Variants in SCAF8 observed in about 807,000 individuals in gnomAD.
The protein encoded by SCAF8 is SR-related and CTD-associated factor 8.
A neutral mutation model predicts 140.5 loss-of-function variants in SCAF8; 23 were observed. The ratio of observed to expected loss-of-function variants is 0.16; its 90% confidence interval spans 0.12 to 0.23. SCAF8 has a LOEUF of 0.23. Among genes scored for constraint, SCAF8 ranks in the 10% least tolerant of loss-of-function variants. The pLI is 1.00. For missense variants in SCAF8, 1,397 were observed against 1,555.7 expected (o/e 0.90, Z 1.72); for synonymous variants, 575 against 528.9 (o/e 1.09, Z -1.20).
chr6:154,755,376 C>T (rs1778940575), intron 1 of SCAF8, among the ~76,000 whole-genome samples: 2 of 152,104 alleles, frequency 1.3e-5, no homozygotes, highest in African/African-American at 4.8e-5. Flanking sequence ...GTCTCAGCCT[C>T]CCGAGTAGCT....
intron 3 of SCAF8, among the ~76,000 whole-genome samples, chr6:154,779,026 T>G (rs757303722): frequency 8.4e-4 from 128 of 152,164 alleles, no homozygotes; most frequent in East Asian, 1.9e-3. Flanking sequence ...TTTTGTTTTG[T>G]TTTGGTTTTT....
At position 154,833,183 on chromosome 6, in the gene SCAF8, G is replaced by A. The variant is rs762070415; in HGVS notation, c.3604G>A (p.Ala1202Thr). 1.7e-5 allele frequency: 27 copies of A among 1,613,916 alleles called. No individual in the cohort carries two copies. The highest frequency in any genetic ancestry group is 2.2e-5 in the South Asian group (2 of 91,082). Residue 1202 changes from alanine (A) to threonine (T), a missense_variant, in exon 20 of 20, where the codon GCC becomes ACC. Ala to Thr is a moderately conservative substitution (Grantham distance 58, BLOSUM62 0). This residue lies in a region of SCAF8 where 930 missense variants were observed against 874.6 expected (regional missense o/e 1.06). Transcript: ENST00000367178. The stretch of plus-strand genomic sequence containing the variant: ...TCGGGTTTTTGATTATTTTGAAGGG[G>A]CCACTTCTCAACGAAAAGGTGATAA... ...HARVFDYFEG[A>T]TSQRKGDNVP...
chr6:154,827,487 T>G (rs531347183), intron 18 of SCAF8, among the ~76,000 whole-genome samples: 3 of 152,192 alleles, frequency 2.0e-5, no homozygotes, highest in South Asian at 2.1e-4. Flanking sequence ...TATTTGTGTG[T>G]TTTTTGTTTT....
At chr6:154,753,705 G>C (rs774347116) in intron 1 of SCAF8, among the ~76,000 whole-genome samples, 2 of 152,170 alleles carry the variant, frequency 1.3e-5, no homozygotes, top group Non-Finnish European at 2.9e-5. Context: ...GAAGAAAGAT[G>C]CATGTAGAAT....
intron 19 of SCAF8, among the ~76,000 whole-genome samples, chr6:154,831,647 A>G (rs950856928): frequency 7.6e-6 from 1 of 130,826 alleles, no homozygotes; most frequent in African/African-American, 3.0e-5. Flanking sequence ...TTCTAAGCAT[A>G]CTTTTCTTTC....
intron 18 of SCAF8, among the ~76,000 whole-genome samples, chr6:154,829,667 G>A (rs1448084482): frequency 6.6e-6 from 1 of 152,144 alleles, no homozygotes; most frequent in African/African-American, 2.4e-5. Context: ...AGTACTTTGG[G>A]AGGCTGAGGT....
At chr6:154,775,661 T>C (rs753134186) in intron 2 of SCAF8, among the ~76,000 whole-genome samples, 2 of 152,142 alleles carry the variant, frequency 1.3e-5, no homozygotes, top group Admixed American at 6.6e-5. Flanking sequence ...TCCTAGCTGC[T>C]GGGTAGGCTG....
chr6:154,793,877 G>C (rs1469001577), intron 5 of SCAF8, among the ~76,000 whole-genome samples: 2 of 150,070 alleles, frequency 1.3e-5, no homozygotes, highest in Non-Finnish European at 3.0e-5. Context: ...AAATTGGTTA[G>C]CATTTCATAA....
chr6:154,768,642 A>G (rs547418370), intron 1 of SCAF8, among the ~76,000 whole-genome samples: 70 of 152,356 alleles, frequency 4.6e-4, no homozygotes, highest in African/African-American at 1.6e-3. Context: ...GTATCTACAT[A>G]TATTGTATGC....
At chr6:154,800,409 T>G (rs961196852) in intron 6 of SCAF8, among the ~76,000 whole-genome samples, 1 of 151,604 alleles carries the variant, frequency 6.6e-6, no homozygotes, top group African/African-American at 2.4e-5. Context: ...AAGGAAAAGA[T>G]AGTCTGTGTA....
At chr6:154,827,338 T>A (rs1418411796) in intron 18 of SCAF8, 98 bp downstream of exon 18, 1 of 828,588 alleles carries the variant, frequency 1.2e-6, no homozygotes, top group East Asian at 2.7e-5. Flanking sequence ...ATTTTTATTA[T>A]GAAAGCTTTA....
At chr6:154,793,964 C>T (rs978906574) in intron 5 of SCAF8, among the ~76,000 whole-genome samples, 1 of 151,298 alleles carries the variant, frequency 6.6e-6, no homozygotes, top group South Asian at 2.1e-4. Context: ...CTCTGTCACC[C>T]AGGCGGGTGT....
intron 3 of SCAF8, among the ~76,000 whole-genome samples, chr6:154,781,100 C>T (rs1315999037): frequency 6.6e-6 from 1 of 151,926 alleles, no homozygotes; most frequent in African/African-American, 2.4e-5. Context: ...TTGTTTTGCC[C>T]CAAAAACTCC....
chr6:154,767,941 T>C lies in SCAF8; in HGVS notation c.31-6048T>C, dbSNP rs1776629226. 1.3e-5 allele frequency among the ~76,000 whole-genome samples: 2 copies of C among 152,192 alleles called. 1 individual carries two copies. Among genetic ancestry groups the C allele is most frequent in the South Asian group, 4.1e-4 (2 of 4,830 alleles). Reference sequence around the variant, plus strand: ...TCCAGCTTTAGATCTGTCACCTCTCTTTTGCTTTAAGGATCACATAATGAC... The same window carrying C: ...TCCAGCTTTAGATCTGTCACCTCTCCTTTGCTTTAAGGATCACATAATGAC... On this transcript the variant is annotated intron_variant, in intron 1 of 19. Coordinates refer to ENST00000367178, the MANE Select transcript of SCAF8 (RefSeq NM_014892.5).
chr6:154,814,605 A>G (rs898465813), intron 12 of SCAF8, among the ~76,000 whole-genome samples: 1 of 152,202 alleles, frequency 6.6e-6, no homozygotes, highest in Non-Finnish European at 1.5e-5. Context: ...GCCATAGAGT[A>G]AAACCTGCCT....
chr6:154,802,180 G>A, intron 7 of SCAF8, 33 bp downstream of exon 7: 1 of 1,348,344 alleles, frequency 7.4e-7, no homozygotes, highest in Non-Finnish European at 1.0e-6. Flanking sequence ...AAGTCTATAT[G>A]AATTATTAAA....
At chr6:154,776,798 A>G (rs1479819031) in intron 2 of SCAF8, among the ~76,000 whole-genome samples, 1 of 152,182 alleles carries the variant, frequency 6.6e-6, no homozygotes, top group Non-Finnish European at 1.5e-5. Context: ...GTTATTATAA[A>G]TACTGGATTT....
At chr6:154,759,179 C>T (rs1012559898) in intron 1 of SCAF8, among the ~76,000 whole-genome samples, 2 of 152,162 alleles carry the variant, frequency 1.3e-5, no homozygotes, top group African/African-American at 4.8e-5. Flanking sequence ...GAGTTGTCAT[C>T]AGTGCGAAAG....
chr6:154,801,945 T>C, intron 6 of SCAF8, 26 bp from the exon 7 acceptor site: 2 of 1,530,402 alleles, frequency 1.3e-6, no homozygotes, highest in Admixed American at 2.2e-5. Context: ...ACACCTGTTT[T>C]GTAATATATA....
Sources: gnomAD v4.1 joint callset for allele counts (sites outside exome capture counted in the v4.1 genomes callset) on GRCh38, gnomAD v4.1.1 for gene constraint, gnomAD v4.1.1 regional missense constraint, MANE v1.5 for transcripts, NCBI Gene and HGNC (gene_info 2026-07-23, HGNC 2026-07-21) for gene names.